The following PREX1 variants were observed in gnomAD, a reference collection of about 807,000 sequenced individuals.
PREX1 encodes the protein phosphatidylinositol 3,4,5-trisphosphate-dependent Rac exchanger 1 protein.
A neutral mutation model predicts 198.3 loss-of-function variants in PREX1; 41 were observed. The observed-to-expected ratio is 0.21, with a 90% CI of 0.16 to 0.27. The LOEUF (loss-of-function observed/expected upper bound fraction) is 0.27, where lower values mean the gene tolerates loss of function less well. Ranked by LOEUF, PREX1 falls within the 10% of genes least tolerant of loss-of-function variation. PREX1 has a pLI of 1.00. For missense variants in PREX1, 1,620 were observed against 2,200.7 expected, an observed-to-expected ratio of 0.74 and a Z score of 5.28; for synonymous variants, 843 against 887.2, an observed-to-expected ratio of 0.95 and a Z score of 0.89.
intron 1 of PREX1, among the ~76,000 whole-genome samples, chr20:48,814,598 C>T (rs140017907): frequency 1.8e-3 from 276 of 152,156 alleles, no homozygotes; most frequent in African/African-American, 5.3e-3. Flanking sequence ...ATGAACAAGG[C>T]GGGGAGATGA....
intron 1 of PREX1, among the ~76,000 whole-genome samples, chr20:48,759,373 AACC>A (rs2122831813): frequency 6.6e-6 from 1 of 152,066 alleles, no homozygotes; most frequent in South Asian, 2.1e-4. Context: ...AACATAGTGA[AACC>A]CTGTCTCTAC....
intron 9 of PREX1, among the ~76,000 whole-genome samples, chr20:48,689,356 G>A (rs1029850919): frequency 4.6e-5 from 7 of 151,918 alleles, no homozygotes; most frequent in African/African-American, 7.2e-5. Context: ...TGAGAAACCC[G>A]CAATAATAAG....
intron 27 of PREX1, chr20:48,642,705 G>T: frequency 1.9e-6 from 1 of 513,696 alleles, no homozygotes. Context: ...AGGCACTAAC[G>T]CATGACAAGA....
intron 1 of PREX1, among the ~76,000 whole-genome samples, chr20:48,816,613 T>C (rs2008614): frequency 0.1 from 15,303 of 152,166 alleles, 983 homozygotes; most frequent in Middle Eastern, 0.21. Context: ...GATGTGGCTA[T>C]GTTGTGGCAG....
intron 18 of PREX1, chr20:48,656,390 T>C (rs1333020546): frequency 1.4e-5 from 6 of 415,112 alleles, no homozygotes; most frequent in Admixed American, 1.1e-4. Flanking sequence ...AAGCTTCCAG[T>C]GGCTCCCCAT....
intron 36 of PREX1, among the ~76,000 whole-genome samples, chr20:48,630,288 C>T (rs933948098): frequency 6.6e-6 from 1 of 152,348 alleles, no homozygotes; most frequent in Middle Eastern, 3.4e-3. Context: ...CTCGGAGCAA[C>T]GGGGACATGT....
chr20:48,881,693 G>C, the PREX1 span, among the ~76,000 whole-genome samples: 11 of 152,064 alleles, frequency 7.2e-5, no homozygotes, highest in Non-Finnish European at 1.5e-4. Context: ...CACCCTATTG[G>C]CCGGGCTGGT....
At chr20:48,799,642 G>A (rs1289888704) in intron 1 of PREX1, among the ~76,000 whole-genome samples, 1 of 152,196 alleles carries the variant, frequency 6.6e-6, no homozygotes, top group Non-Finnish European at 1.5e-5. Flanking sequence ...GGCTTCCTGT[G>A]TACCCCATGG....
intron 7 of PREX1, among the ~76,000 whole-genome samples, chr20:48,693,216 A>G (rs1469324112): frequency 2.0e-5 from 3 of 152,030 alleles, no homozygotes; most frequent in African/African-American, 7.3e-5. Context: ...CCATCCATCC[A>G]TCCATCCATC....
chr20:48,672,426 C>T (rs2089681541), intron 14 of PREX1, among the ~76,000 whole-genome samples: 1 of 152,378 alleles, frequency 6.6e-6, no homozygotes, highest in African/African-American at 2.4e-5. Context: ...CCTCCTACTG[C>T]CCTCCCTGCT....
intron 1 of PREX1, among the ~76,000 whole-genome samples, chr20:48,749,720 T>C (rs1480230958): frequency 6.6e-6 from 1 of 152,234 alleles, no homozygotes; most frequent in African/African-American, 2.4e-5. Context: ...GCTTCGTCTC[T>C]GTCCACACAG....
chr20:48,752,105 A>G (rs984916003), intron 1 of PREX1, among the ~76,000 whole-genome samples: 1 of 152,188 alleles, frequency 6.6e-6, no homozygotes, highest in Admixed American at 6.5e-5. Flanking sequence ...ACTCGAGATT[A>G]GTTCAGTTTA....
Position 48,827,277 on chromosome 20 carries a change from A to G in PREX1, c.219+365T>C, listed in dbSNP as rs1353955431. On this transcript the variant is annotated intron_variant, in intron 1 of 39. Coordinates refer to ENST00000371941, the MANE Select transcript of PREX1 (RefSeq NM_020820.4). This position sits in a 1 kb window ranked among gnomAD's most constrained non-coding sequence, Gnocchi z 4.1. Reference sequence around the variant, plus strand: ...CACCGGGCGCGTAGTTATTCCTGGGAAAAAGACGCAGGAGCGCCAGCTCCC... The same window carrying G: ...CACCGGGCGCGTAGTTATTCCTGGGGAAAAGACGCAGGAGCGCCAGCTCCC... Among the ~76,000 whole-genome samples, 2 of 152,224 alleles carry G rather than the reference A, an allele frequency of 1.3e-5. No homozygotes were observed. Among genetic ancestry groups the G allele is most frequent in the Non-Finnish European group, 2.9e-5 (2 of 68,034 alleles).
At chr20:48,644,604 A>G (rs2089437761) in intron 26 of PREX1, 107 bp from the exon 27 acceptor site, 6 of 987,520 alleles carry the variant, frequency 6.1e-6, no homozygotes, top group Non-Finnish European at 9.0e-6. Context: ...CTGGGCCCTC[A>G]GGTGGGCGTG....
intron 18 of PREX1, among the ~76,000 whole-genome samples, chr20:48,656,130 C>G (rs1222449425): frequency 6.6e-6 from 1 of 152,138 alleles, no homozygotes; most frequent in Non-Finnish European, 1.5e-5. Flanking sequence ...CTGAAATAAT[C>G]ATATTTAAAA....
At chr20:48,825,612 T>C (rs1463399702) in intron 1 of PREX1, among the ~76,000 whole-genome samples, 1 of 152,010 alleles carries the variant, frequency 6.6e-6, no homozygotes, top group Non-Finnish European at 1.5e-5. Flanking sequence ...TCAAACACAA[T>C]CTAGATCTGT....
chr20:48,876,125 C>G, the PREX1 span, among the ~76,000 whole-genome samples: 6 of 152,144 alleles, frequency 3.9e-5, no homozygotes, highest in African/African-American at 1.4e-4. Context: ...CACACAAACA[C>G]ACGACTTTTG....
the PREX1 span, among the ~76,000 whole-genome samples, chr20:48,841,566 G>A: frequency 6.6e-6 from 1 of 152,116 alleles, no homozygotes; most frequent in East Asian, 1.9e-4. Flanking sequence ...ACACAGAGGG[G>A]TCCTCACACA....
intron 18 of PREX1, among the ~76,000 whole-genome samples, chr20:48,656,258 G>A (rs1031963303): frequency 2.0e-5 from 3 of 151,976 alleles, no homozygotes; most frequent in Non-Finnish European, 4.4e-5. Context: ...CCCCTAGCAC[G>A]GGTCTGCTCC....
Sources: gnomAD v4.1 joint callset for allele counts (sites outside exome capture counted in the v4.1 genomes callset) on GRCh38, gnomAD v4.1.1 for gene constraint, Gnocchi (gnomAD v3.1) non-coding constraint, MANE v1.5 for transcripts, NCBI Gene and HGNC (gene_info 2026-07-23, HGNC 2026-07-21) for gene names.